BICRAL: variants seen among roughly 807,000 people sequenced by gnomAD.
The protein encoded by BICRAL is BRD4-interacting chromatin-remodeling complex-associated protein-like.
BICRAL carries 8 observed loss-of-function variants against 91.8 expected under a neutral mutation model. The observed-to-expected ratio is 0.09, with a 90% CI of 0.05 to 0.16. The LOEUF (loss-of-function observed/expected upper bound fraction) is 0.16. Ranked by LOEUF, BICRAL falls within the 10% of genes least tolerant of loss-of-function variation. The pLI is 1.00. For synonymous variants in BICRAL, 445 were observed against 491.1 expected (o/e 0.91, Z 1.24); for missense variants, 1,038 against 1,310.9 (o/e 0.79, Z 3.21).
At chr6:42,851,748 A>G (rs1765188219) in intron 6 of BICRAL, among the ~76,000 whole-genome samples, 1 of 152,172 alleles carries the variant, frequency 6.6e-6, no homozygotes, top group African/African-American at 2.4e-5. Flanking sequence ...TCATAATCCT[A>G]GCAGGCAGGA....
chr6:42,859,877 C>G (rs976485495), intron 10 of BICRAL, among the ~76,000 whole-genome samples: 1 of 152,024 alleles, frequency 6.6e-6, no homozygotes, highest in Non-Finnish European at 1.5e-5. Flanking sequence ...CATCTCCTGA[C>G]CTCGTGATCC....
chr6:42,751,868 G>A lies in BICRAL; in HGVS notation c.-261+4845G>A, dbSNP rs181958447. Reference sequence around the variant, plus strand: ...GACGGGGTTTCTCCATGTTGGTCAGGCTGGTCTTGAACTCCTGACCTCAGA... The same window carrying A: ...GACGGGGTTTCTCCATGTTGGTCAGACTGGTCTTGAACTCCTGACCTCAGA... On this transcript the variant is annotated intron_variant, in intron 1 of 14. Coordinates refer to the BICRAL transcript ENST00000614467. Among the ~76,000 whole-genome samples, 15 of 151,846 alleles carry A rather than the reference G, an allele frequency of 9.9e-5. No homozygotes were observed. The East Asian group carries it at 2.7e-3, about 27-fold the overall frequency.
At chr6:42,815,833 C>G (rs552139398) in intron 2 of BICRAL, among the ~76,000 whole-genome samples, 182 of 150,510 alleles carry the variant, frequency 1.2e-3, no homozygotes, top group African/African-American at 4.0e-3. Flanking sequence ...ACTAAAAATA[C>G]GAAATTAGCC....
intron 6 of BICRAL, among the ~76,000 whole-genome samples, chr6:42,851,727 G>A (rs940884553): frequency 3.9e-5 from 6 of 152,190 alleles, no homozygotes; most frequent in Non-Finnish European, 8.8e-5. Context: ...CATAGGAGCT[G>A]ATAGTCAGGA....
At chr6:42,770,915 C>G (rs747602550) in intron 1 of BICRAL, among the ~76,000 whole-genome samples, 1 of 152,086 alleles carries the variant, frequency 6.6e-6, no homozygotes, top group Non-Finnish European at 1.5e-5. Context: ...CTCCTGACCT[C>G]AAGTGATCCG....
intron 1 of BICRAL, among the ~76,000 whole-genome samples, chr6:42,783,415 T>TG (rs1017733372): frequency 3.9e-5 from 6 of 151,974 alleles, no homozygotes; most frequent in African/African-American, 1.4e-4. Context: ...TCGCCCCAAA[T>TG]GCGGGATATT....
intron 7 of BICRAL, chr6:42,852,551 A>C (rs1765221697): frequency 2.6e-6 from 1 of 380,314 alleles, no homozygotes; most frequent in Admixed American, 3.3e-5. Flanking sequence ...AATCCCAGCT[A>C]CTCAGGAGGC....
chr6:42,753,813 T>C (rs1391889086), intron 1 of BICRAL, among the ~76,000 whole-genome samples: 1 of 152,148 alleles, frequency 6.6e-6, no homozygotes, highest in Non-Finnish European at 1.5e-5. Flanking sequence ...GGTTTCACCA[T>C]GTTGGCCAGG....
chr6:42,842,639 A>G (rs1370986715), intron 6 of BICRAL, among the ~76,000 whole-genome samples: 1 of 152,168 alleles, frequency 6.6e-6, no homozygotes, highest in Non-Finnish European at 1.5e-5. Flanking sequence ...CAAAGCCCCT[A>G]GAAAAAATGA....
At position 42,823,118 on chromosome 6, in the gene BICRAL, T is replaced by A. The variant is rs575851486; in HGVS notation, c.159+115T>A. The A allele has an allele frequency of 4.7e-6, 3 of 632,730 alleles. No individual in the cohort carries two copies. In the Admixed American group the frequency reaches 8.8e-5, roughly 19 times the overall value. The allele number at this position is 632,730 out of a possible 1,614,324, so 39.2% of individuals were successfully genotyped here. ...AGAATCCTTACCTTGTCTGTTGTAATTAATTTAATTTTATTTATTTATTTT... is the reference window on the plus strand; with the variant it reads ...AGAATCCTTACCTTGTCTGTTGTAAATAATTTAATTTTATTTATTTATTTT... On this transcript the variant is annotated intron_variant, in intron 5 of 12. Coordinates refer to ENST00000314073, the MANE Select transcript of BICRAL (RefSeq NM_001393499.1).
intron 1 of BICRAL, among the ~76,000 whole-genome samples, chr6:42,806,391 G>C (rs780287278): frequency 1.2e-4 from 18 of 152,182 alleles, no homozygotes; most frequent in Non-Finnish European, 2.1e-4. Flanking sequence ...GTCTTACTCT[G>C]TTGTCGAGGG....
chr6:42,753,243 T>G (rs1419280286), intron 1 of BICRAL, among the ~76,000 whole-genome samples: 1 of 152,058 alleles, frequency 6.6e-6, no homozygotes, highest in East Asian at 1.9e-4. Flanking sequence ...TTAAATGTTT[T>G]TGTAGAGACA....
chr6:42,858,749 A>G (rs1272022618), intron 10 of BICRAL, among the ~76,000 whole-genome samples: 1 of 151,798 alleles, frequency 6.6e-6, no homozygotes, highest in Non-Finnish European at 1.5e-5. Context: ...CCCGGGAGGC[A>G]GAGGTTCCCA....
At chr6:42,833,345 G>T (rs1402960853) in intron 6 of BICRAL, among the ~76,000 whole-genome samples, 1 of 152,144 alleles carries the variant, frequency 6.6e-6, no homozygotes, top group Non-Finnish European at 1.5e-5. Context: ...ACCGCGCCCG[G>T]CCCAGGCTAG....
chr6:42,828,548 C>G lies in BICRAL; in HGVS notation c.215C>G (p.Pro72Arg). ...KGVSNQLGEG[P>R]SDGLPLSSSL... ...GTAAGCAACCAGCTTGGAGAAGGGC[C>G]CAGTGATGGACTGCCACTTTCAAGT... Residue 72 changes from proline (P) to arginine (R), a missense_variant, in exon 6 of 13, where the codon CCC (proline) becomes CGC (arginine). Coordinates refer to ENST00000314073, the MANE Select transcript of BICRAL (RefSeq NM_001393499.1). The G allele has an allele frequency of 6.2e-7, 1 of 1,613,564 alleles. No homozygotes were observed. Among genetic ancestry groups the G allele is most frequent in the Non-Finnish European group, 8.5e-7 (1 of 1,179,642 alleles).
chr6:42,760,169 G>C (rs1412968927), intron 1 of BICRAL, among the ~76,000 whole-genome samples: 1 of 152,038 alleles, frequency 6.6e-6, no homozygotes, highest in Non-Finnish European at 1.5e-5. Context: ...CACTGAACCT[G>C]GGAGGCGGAG....
chr6:42,808,153 C>T (rs1395090916), intron 1 of BICRAL, among the ~76,000 whole-genome samples: 3 of 143,132 alleles, frequency 2.1e-5, no homozygotes, highest in African/African-American at 5.2e-5. Flanking sequence ...TTTTTTAATA[C>T]GGAGTTTTGC....
chr6:42,815,185 CTTTTTTTTTTT>C (rs869106375), intron 2 of BICRAL, among the ~76,000 whole-genome samples: 1 of 101,140 alleles, frequency 9.9e-6, no homozygotes, highest in Non-Finnish European at 2.0e-5. Flanking sequence ...GTCAGAATAT[CTTTTTTTTTTT>C]TTTTTTTTTT....
chr6:42,763,781 A>C (rs1762591836), intron 1 of BICRAL, among the ~76,000 whole-genome samples: 1 of 151,920 alleles, frequency 6.6e-6, no homozygotes, highest in South Asian at 2.1e-4. Context: ...AGATTACACC[A>C]CTGCACTCCA....
Sources: allele counts gnomAD v4.1 joint callset (sites outside exome capture counted in the v4.1 genomes callset), GRCh38; gene constraint gnomAD v4.1.1; transcripts MANE v1.5; gene names NCBI Gene and HGNC (gene_info 2026-07-23, HGNC 2026-07-21).